GNG7: variants seen among roughly 807,000 people sequenced by gnomAD.
The protein encoded by GNG7 is G protein subunit gamma 7, also known as guanine nucleotide-binding protein G(I)/G(S)/G(O) subunit gamma-7.
Under a neutral mutation model 4.0 loss-of-function variants are expected in GNG7, and 1 was observed. That is an observed-to-expected ratio of 0.25 (90% CI 0.09 to 1.18). The LOEUF (loss-of-function observed/expected upper bound fraction) is 1.18. Among genes scored for constraint, GNG7 ranks in the 50% most tolerant of loss-of-function variants. GNG7 has a pLI of 0.50. For synonymous variants in GNG7, 34 were observed against 36.9 expected, an observed-to-expected ratio of 0.92 and a Z score of 0.29; for missense variants, 86 against 91.9, an observed-to-expected ratio of 0.94 and a Z score of 0.26.
intron 1 of GNG7, among the ~76,000 whole-genome samples, chr19:2,686,883 C>G (rs1378577766): frequency 6.6e-6 from 1 of 151,664 alleles, no homozygotes; most frequent in Non-Finnish European, 1.5e-5. Context: ...TCCTGAGTAG[C>G]TGGGACTACA....
intron 2 of GNG7, among the ~76,000 whole-genome samples, chr19:2,635,223 GC>G (rs1196638961): frequency 6.6e-6 from 1 of 152,188 alleles, no homozygotes; most frequent in Non-Finnish European, 1.5e-5. Context: ...GTGCAGGTGG[GC>G]ACAGGTGGGT....
At chr19:2,601,195 CT>C (rs1307714393) in intron 2 of GNG7, among the ~76,000 whole-genome samples, 7 of 152,220 alleles carry the variant, frequency 4.6e-5, no homozygotes, top group African/African-American at 1.7e-4. Flanking sequence ...GGAAGGTTTG[CT>C]TGACTCCAAA....
intron 1 of GNG7, among the ~76,000 whole-genome samples, chr19:2,651,809 A>G (rs1286607266): frequency 6.6e-6 from 1 of 151,418 alleles, no homozygotes. Context: ...CAGGCAATCC[A>G]CCTGCTTCGG....
At chr19:2,600,740 C>A (rs140270494) in intron 2 of GNG7, among the ~76,000 whole-genome samples, 267 of 151,820 alleles carry the variant, frequency 1.8e-3, no homozygotes, top group African/African-American at 6.3e-3. Context: ...CCTCTCAAAG[C>A]GCTGGGATTA....
intron 2 of GNG7, among the ~76,000 whole-genome samples, chr19:2,587,174 T>C (rs532047174): frequency 8.6e-5 from 13 of 151,196 alleles, no homozygotes; most frequent in South Asian, 8.4e-4. Flanking sequence ...CCACGGAGAG[T>C]TGCGGCGGCA....
intron 2 of GNG7, among the ~76,000 whole-genome samples, chr19:2,638,741 TGGGGAGGGGA>T (rs929776220): frequency 2.7e-5 from 2 of 74,318 alleles, no homozygotes; most frequent in African/African-American, 1.0e-4. Flanking sequence ...CAGCATCCCC[TGGGGAGGGGA>T]GGGGAGGGGA....
chr19:2,573,849 A>G (rs1191771510), intron 2 of GNG7, among the ~76,000 whole-genome samples: 2 of 152,142 alleles, frequency 1.3e-5, no homozygotes, highest in Admixed American at 1.3e-4. Context: ...TCTTAAAACA[A>G]AAACAAACAA....
At chr19:2,579,589 G>A (rs1980443756) in intron 2 of GNG7, among the ~76,000 whole-genome samples, 1 of 152,226 alleles carries the variant, frequency 6.6e-6, no homozygotes, top group South Asian at 2.1e-4. Context: ...GAGGGCGAGG[G>A]GACGGCCGCC....
chr19:2,601,237 T>C (rs1981190151), intron 2 of GNG7, among the ~76,000 whole-genome samples: 1 of 152,178 alleles, frequency 6.6e-6, no homozygotes, highest in South Asian at 2.1e-4. Context: ...TCTAGTTCCA[T>C]CCAGATGGCC....
In GNG7 at chr19:2,578,664, T is replaced by C. The variant is rs538192083; in HGVS notation, c.-77-23476A>G. Among the ~76,000 whole-genome samples the C allele has an allele frequency of 3.3e-5, 5 of 152,300 alleles. No homozygotes were observed. In the South Asian group the frequency reaches 6.2e-4, roughly 19 times the overall value. ...CCTCTCCCCCTCAGCCCTGTGGACA[T>C]TGGGGCTGGATCCTTCTCTCTGGGG... is the stretch of plus-strand genomic sequence containing the variant. On this transcript the variant is annotated intron_variant, in intron 2 of 4. Coordinates refer to ENST00000382159, the MANE Select transcript of GNG7 (RefSeq NM_052847.3).
rs962527416 is a variant in GNG7 at position 2,512,130 on chromosome 19, G to A, written c.*2892C>T. 19 of 985,674 alleles carry A rather than the reference G, an allele frequency of 1.9e-5. No individual in the cohort carries two copies. The South Asian group carries it at 2.3e-4, about 12-fold the overall frequency. The allele number at this position is 985,674 out of a possible 1,614,324, so 61.1% of individuals were successfully genotyped here. A position where few individuals can be genotyped will look rare whatever the true frequency, so the allele number is the denominator to read the frequency against. On this transcript the variant is annotated 3_prime_UTR_variant, in exon 5 of 5. Transcript: ENST00000382159. This position sits in a 1 kb window ranked among gnomAD's most constrained non-coding sequence, Gnocchi z 4.7. ...GTCCTTAACTCTCTTTTCCCCTGGCGTAGCTGAGAGAGGCTTGTCCCCCCA... is the reference window on the plus strand; with the variant it reads ...GTCCTTAACTCTCTTTTCCCCTGGCATAGCTGAGAGAGGCTTGTCCCCCCA...
chr19:2,542,107 CTTTTTT>C (rs1175526574), intron 3 of GNG7, among the ~76,000 whole-genome samples: 3,859 of 64,440 alleles, frequency 0.06, 80 homozygotes, highest in Middle Eastern at 0.2. Context: ...GCTGTGTGTT[CTTTTTT>C]TTTTTTTTTT....
chr19:2,613,290 G>T (rs913563798), intron 2 of GNG7, among the ~76,000 whole-genome samples: 2 of 152,174 alleles, frequency 1.3e-5, no homozygotes, highest in Non-Finnish European at 2.9e-5. Flanking sequence ...AACACATAGG[G>T]GGGCTTTGGG....
chr19:2,639,599 A>G, intron 2 of GNG7, among the ~76,000 whole-genome samples: 1 of 9,858 alleles, frequency 1.0e-4, no homozygotes, highest in South Asian at 5.4e-3. Context: ...GATGGCAGGC[A>G]CAGAGCTCAG....
Position 2,538,420 on chromosome 19 carries a change from T to C in GNG7, c.-38+16729A>G, listed in dbSNP as rs190381272. 594 of 371,268 alleles carry C rather than the reference T, an allele frequency of 1.6e-3. 4 individuals carry two copies. The highest frequency in any genetic ancestry group is 4.6e-3 in the Middle Eastern group (5 of 1,094). The allele number at this position is 371,268 out of a possible 1,614,324, so 23.0% of individuals were successfully genotyped here. A position where few individuals can be genotyped will look rare whatever the true frequency, so the allele number is the denominator to read the frequency against. On this transcript the variant is annotated intron_variant, in intron 3 of 4. Transcript: ENST00000382159. ...GGAGGATCATTTGAGGCCAGGAGTT[T>C]GAGACCAGCCTGGGCAACATAGTGA...
chr19:2,676,313 C>G (rs1983592064), intron 1 of GNG7, among the ~76,000 whole-genome samples: 1 of 152,182 alleles, frequency 6.6e-6, no homozygotes, highest in Non-Finnish European at 1.5e-5. Context: ...CTTCACCCCA[C>G]AGAGACCCTC....
At position 2,514,149 on chromosome 19, in the gene GNG7, A is replaced by C. The variant is rs1972694139; in HGVS notation, c.*873T>G. 1 of 152,364 alleles carries C rather than the reference A, an allele frequency of 6.6e-6. No individual in the cohort carries two copies. 9.4% of individuals were successfully genotyped at this position (152,364 alleles called of 1,614,324 possible). ...GAGGCAGAGGTTGCGGTGAGCTGAA[A>C]TCATGCAGCTGCACTCCAGCCTGGG... On this transcript the variant is annotated 3_prime_UTR_variant, in exon 5 of 5. Transcript: ENST00000382159.
intron 1 of GNG7, among the ~76,000 whole-genome samples, chr19:2,685,419 T>C (rs561258794): frequency 6.6e-6 from 1 of 152,050 alleles, no homozygotes; most frequent in African/African-American, 2.4e-5. Flanking sequence ...AGCCTAGGGG[T>C]TGGAGACCAG....
At chr19:2,663,914 C>T (rs985518138) in intron 1 of GNG7, among the ~76,000 whole-genome samples, 8 of 152,160 alleles carry the variant, frequency 5.3e-5, no homozygotes, top group Admixed American at 4.6e-4. Context: ...GAGTAGCATC[C>T]CTGGTCTCCA....
Sources: allele counts gnomAD v4.1 joint callset (sites outside exome capture counted in the v4.1 genomes callset), GRCh38; gene constraint gnomAD v4.1.1; non-coding constraint Gnocchi (gnomAD v3.1); transcripts MANE v1.5; gene names NCBI Gene and HGNC (gene_info 2026-07-23, HGNC 2026-07-21).